RNF166: variants seen among roughly 807,000 people sequenced by gnomAD.
The protein encoded by RNF166 is E3 ubiquitin-protein ligase RNF166.
RNF166 carries 19 observed loss-of-function variants against 29.4 expected under a neutral mutation model. The ratio of observed to expected loss-of-function variants is 0.65; its 90% CI spans 0.45 to 0.95. The LOEUF (loss-of-function observed/expected upper bound fraction) is 0.95. Ranked by LOEUF, RNF166 falls within the 40% of genes least tolerant of loss-of-function variation. RNF166 has a pLI of 0.00. For missense variants in RNF166, 347 were observed against 322.1 expected (o/e 1.08, Z -0.59); for synonymous variants, 171 against 134.5 (o/e 1.27, Z -1.88).
At position 88,699,750 on chromosome 16, in the gene RNF166, G is replaced by C. The variant is rs1454980727; in HGVS notation, c.313-18C>G. ...AGGGTCACCTAGGAGACAGGGCAGG[G>C]AGGGCAAGGCGGTCCTGAGAATCTG... is the stretch of plus-strand genomic sequence containing the variant. On this transcript the variant is annotated intron_variant, in intron 2 of 5. Coordinates refer to ENST00000312838, the MANE Select transcript of RNF166 (RefSeq NM_178841.4). The C allele has an allele frequency of 1.3e-6, 2 of 1,598,208 alleles. No individual in the cohort carries two copies. The highest frequency in any genetic ancestry group is 1.7e-6 in the Non-Finnish European group (2 of 1,168,086).
At position 88,706,391 on chromosome 16, in the gene RNF166, C is replaced by T. The variant is rs1472040733; in HGVS notation, c.-66G>A. The T allele has an allele frequency of 5.2e-5, 63 of 1,215,324 alleles. No individual in the cohort carries two copies. Among genetic ancestry groups the T allele is most frequent in the Non-Finnish European group, 6.2e-5 (60 of 970,352 alleles). 75.3% of individuals were successfully genotyped at this position (1,215,324 alleles called of 1,614,324 possible). On this transcript the variant is annotated 5_prime_UTR_variant, in exon 1 of 6. Transcript: ENST00000312838. Reference sequence around the variant, plus strand: ...GCCCGGGCCGGCCCGCTAGTCACAGCCGCTACTGCGCCGCGCTGACGTCAT... The same window carrying T: ...GCCCGGGCCGGCCCGCTAGTCACAGTCGCTACTGCGCCGCGCTGACGTCAT...
In RNF166 at chr16:88,706,234, T is replaced by C; in HGVS notation, c.92A>G (p.Tyr31Cys). ...GACCTCCAGGCAGATGGGGCAGGTG[T>C]ACTGCGCCTCCAGGCCGCTGTCGCC... is the stretch of plus-strand genomic sequence containing the variant. Reference protein sequence around the residue: ...AGGDSGLEAQYTCPICLEVYH... With the variant: ...AGGDSGLEAQCTCPICLEVYH... The change falls in exon 1 of 6, where the codon TAC (tyrosine) becomes TGC (cysteine). Residue 31 changes from tyrosine (Y) to cysteine (C), a missense_variant. Transcript: ENST00000312838. The C allele has an allele frequency of 7.6e-7, 1 of 1,318,686 alleles. No homozygotes were observed. The highest frequency in any genetic ancestry group is 9.7e-7 in the Non-Finnish European group (1 of 1,030,248). The allele number at this position is 1,318,686 out of a possible 1,614,324, so 81.7% of individuals were successfully genotyped here.
intron 1 of RNF166, among the ~76,000 whole-genome samples, chr16:88,704,999 AT>A (rs1203022667): frequency 3.3e-5 from 5 of 152,216 alleles, no homozygotes; most frequent in Non-Finnish European, 5.9e-5. Context: ...TCAAAAAAAA[AT>A]ATTCCCGTTC....
intron 1 of RNF166, chr16:88,704,171 A>C: frequency 3.0e-6 from 3 of 985,488 alleles, no homozygotes; most frequent in Non-Finnish European, 3.6e-6. Flanking sequence ...GAACCAGACC[A>C]GCAACAAACT....
intron 3 of RNF166, 58 bp downstream of exon 3, chr16:88,699,562 C>T (rs1379057054): frequency 1.4e-6 from 2 of 1,406,750 alleles, no homozygotes; most frequent in African/African-American, 2.8e-5. Context: ...TGCGCTTGCT[C>T]CCAGAACGAG....
At chr16:88,700,508 C>T (rs1910107277) in intron 2 of RNF166, 1 of 742,848 alleles carries the variant, frequency 1.3e-6, no homozygotes, top group Non-Finnish European at 1.6e-6. Context: ...GACATCTGGA[C>T]CTTCGACCTC....
At chr16:88,700,304 GC>G (rs1910085327) in intron 2 of RNF166, among the ~76,000 whole-genome samples, 1 of 152,196 alleles carries the variant, frequency 6.6e-6, no homozygotes, top group Admixed American at 6.5e-5. Context: ...GGGAGACACA[GC>G]CGCATCTGAA....
intron 2 of RNF166, chr16:88,701,053 GCC>G: frequency 8.9e-6 from 12 of 1,346,372 alleles, no homozygotes; most frequent in Non-Finnish European, 1.2e-5. Flanking sequence ...CACCGGGCTG[GCC>G]CCCCCGTCAG....
chr16:88,704,593 AC>A, intron 1 of RNF166: 1 of 984,082 alleles, frequency 1.0e-6, no homozygotes, highest in Non-Finnish European at 1.2e-6. Flanking sequence ...CCCAAAGCCT[AC>A]GGGAGGCTTT....
intron 1 of RNF166, chr16:88,703,331 G>A: frequency 1.0e-6 from 1 of 985,482 alleles, no homozygotes; most frequent in African/African-American, 1.7e-5. Context: ...CAGAGACCAG[G>A]CCGGGGCTCG....
intron 4 of RNF166, 105 bp from the exon 5 acceptor site, chr16:88,698,714 TG>T: frequency 1.1e-6 from 1 of 890,328 alleles, no homozygotes. Context: ...TGCCTCAGCC[TG>T]GGAAGGCACC....
intron 1 of RNF166, among the ~76,000 whole-genome samples, chr16:88,701,889 C>G (rs144165791): frequency 3.0e-4 from 45 of 152,360 alleles, no homozygotes; most frequent in African/African-American, 1.0e-3. Flanking sequence ...CCCAGGGGCT[C>G]CAGATGCACT....
chr16:88,701,598 C>A (rs934726570), intron 1 of RNF166, 180 bp from the exon 2 acceptor site: 7 of 606,392 alleles, frequency 1.2e-5, no homozygotes, highest in African/African-American at 1.1e-4. Flanking sequence ...GCTGGATGGG[C>A]CCCATCTGGC....
At chr16:88,699,800 G>T in intron 2 of RNF166, 68 bp from the exon 3 acceptor site, 1 of 1,119,322 alleles carries the variant, frequency 8.9e-7, no homozygotes. Context: ...GGGAGGCCGA[G>T]ACCTCAGGTG....
chr16:88,705,285 T>C (rs1247178884), intron 1 of RNF166, among the ~76,000 whole-genome samples: 3 of 152,168 alleles, frequency 2.0e-5, no homozygotes, highest in African/African-American at 7.2e-5. Flanking sequence ...TAGAGCCTCC[T>C]ACCAGTCTGG....
intron 1 of RNF166, chr16:88,704,007 C>T (rs868051276): frequency 1.0e-6 from 1 of 985,364 alleles, no homozygotes; most frequent in African/African-American, 1.7e-5. Flanking sequence ...CTCAGACTGT[C>T]CCCTGGCTGA....
intron 2 of RNF166, 103 bp downstream of exon 2, chr16:88,701,159 C>T: frequency 6.9e-7 from 1 of 1,458,998 alleles, no homozygotes; most frequent in East Asian, 2.3e-5. Context: ...GATTACTCAA[C>T]AGGAAAGAGA....
chr16:88,701,230 C>G (rs1252254078), intron 2 of RNF166, 32 bp downstream of exon 2: 2 of 1,609,904 alleles, frequency 1.2e-6, no homozygotes, highest in African/African-American at 1.3e-5. Context: ...TCAAGTGACC[C>G]CGGCTCCAGG....
chr16:88,704,097 T>C (rs1910534308), intron 1 of RNF166: 1 of 983,536 alleles, frequency 1.0e-6, no homozygotes, highest in African/African-American at 1.8e-5. Context: ...TGGGATACTC[T>C]TGCCATGAGA....
Sources: gnomAD v4.1 joint callset for allele counts (sites outside exome capture counted in the v4.1 genomes callset) on GRCh38, gnomAD v4.1.1 for gene constraint, MANE v1.5 for transcripts, NCBI Gene and HGNC (gene_info 2026-07-23, HGNC 2026-07-21) for gene names.